Variants in CLVS1 observed in about 807,000 individuals in gnomAD.
The protein encoded by CLVS1 is clavesin-1.
A neutral mutation model predicts 33.1 loss-of-function variants in CLVS1; 10 were observed. The ratio of observed to expected loss-of-function variants is 0.30; its 90% CI spans 0.19 to 0.51. The LOEUF is 0.51. Among genes scored for constraint, CLVS1 ranks in the 20% least tolerant of loss-of-function variants. The pLI, the probability that CLVS1 is intolerant of heterozygous loss-of-function variation, is 0.97. For missense variants in CLVS1, 343 were observed against 433.4 expected (o/e 0.79, Z 1.85); for synonymous variants, 163 against 166.1 (o/e 0.98, Z 0.14).
chr8:61,231,043 A>G (rs763028914), intron 2 of CLVS1, among the ~76,000 whole-genome samples: 1 of 152,076 alleles, frequency 6.6e-6, no homozygotes, highest in Non-Finnish European at 1.5e-5. Flanking sequence ...TTAGGTTTCA[A>G]CATGTGTATC....
At chr8:61,238,824 T>G (rs1203882438) in intron 2 of CLVS1, among the ~76,000 whole-genome samples, 1 of 152,246 alleles carries the variant, frequency 6.6e-6, no homozygotes, top group Non-Finnish European at 1.5e-5. Context: ...AGTTTCTAAT[T>G]TTTCACTCTA....
Position 61,501,038 on chromosome 8 carries a change from A to C in CLVS1, c.*1496A>C, listed in dbSNP as rs1019357628. 3 of 152,212 alleles carry C rather than the reference A, an allele frequency of 2.0e-5. No homozygotes were observed. The highest frequency in any genetic ancestry group is 6.5e-5 in the Admixed American group (1 of 15,286). The allele number at this position is 152,212 out of a possible 1,614,324, so 9.4% of individuals were successfully genotyped here. On this transcript the variant is annotated 3_prime_UTR_variant, in exon 6 of 6. Transcript: ENST00000325897. ...ATTTTTATATTATACACTTGGAGAA[A>C]TAAAGTTGAAACAGAATTAAAAATA...
chr8:61,218,395 C>G (rs1364977053), intron 2 of CLVS1, among the ~76,000 whole-genome samples: 1 of 151,878 alleles, frequency 6.6e-6, no homozygotes, highest in Non-Finnish European at 1.5e-5. Flanking sequence ...TGAAATAAGC[C>G]AGGAAGAGAA....
chr8:61,295,801 T>A (rs1420003338), intron 1 of CLVS1, among the ~76,000 whole-genome samples: 16 of 152,114 alleles, frequency 1.1e-4, no homozygotes, highest in African/African-American at 3.9e-4. Flanking sequence ...GTTTCCTCAT[T>A]TGAAAAATGA....
chr8:61,260,669 A>G (rs1809184841), intron 2 of CLVS1, among the ~76,000 whole-genome samples: 2 of 152,152 alleles, frequency 1.3e-5, no homozygotes, highest in African/African-American at 4.8e-5. Flanking sequence ...GGAGATAAAG[A>G]AAAGTGGTCC....
chr8:61,490,377 AG>A (rs1804029789), intron 5 of CLVS1, among the ~76,000 whole-genome samples: 1 of 151,904 alleles, frequency 6.6e-6, no homozygotes, highest in Non-Finnish European at 1.5e-5. Context: ...CATTTATAAA[AG>A]GTAAATTGGG....
At chr8:61,033,047 A>AAGAGAGAG in the CLVS1 span, among the ~76,000 whole-genome samples, 1 of 77,938 alleles carries the variant, frequency 1.3e-5, no homozygotes, top group African/African-American at 4.7e-5. Context: ...GAAAGAAAGA[A>AAGAGAGAG]AAAGAAAGAA....
At chr8:61,468,170 C>T (rs769774501) in intron 5 of CLVS1, among the ~76,000 whole-genome samples, 1 of 152,130 alleles carries the variant, frequency 6.6e-6, no homozygotes, top group Non-Finnish European at 1.5e-5. Flanking sequence ...CTCATTACTG[C>T]TTATGTGAAA....
At chr8:61,247,075 T>A (rs953987875) in intron 2 of CLVS1, among the ~76,000 whole-genome samples, 1 of 152,226 alleles carries the variant, frequency 6.6e-6, no homozygotes, top group Non-Finnish European at 1.5e-5. Flanking sequence ...TTTGTGTTCC[T>A]GCCTTAGTGT....
At chr8:61,096,616 A>C (rs1172816364) in intron 1 of CLVS1, among the ~76,000 whole-genome samples, 2 of 152,170 alleles carry the variant, frequency 1.3e-5, no homozygotes, top group African/African-American at 2.4e-5. Flanking sequence ...AGTAATGCAA[A>C]CACTTCAGAC....
chr8:61,272,089 C>T (rs200996238), intron 2 of CLVS1, among the ~76,000 whole-genome samples: 2 of 151,118 alleles, frequency 1.3e-5, no homozygotes, highest in African/African-American at 2.4e-5. Context: ...TTCCTAGTCT[C>T]GATGGTCTTT....
chr8:61,162,491 G>A (rs1242780592), intron 2 of CLVS1, among the ~76,000 whole-genome samples: 4 of 152,216 alleles, frequency 2.6e-5, no homozygotes, highest in Non-Finnish European at 5.9e-5. Context: ...AAAATGGGAA[G>A]AATTTCTTAC....
intron 2 of CLVS1, among the ~76,000 whole-genome samples, chr8:61,363,674 A>G (rs551775885): frequency 4.3e-4 from 66 of 152,308 alleles, no homozygotes; most frequent in Non-Finnish European, 5.6e-4. Context: ...TGCTAAATGA[A>G]CTATGTTGAC....
rs140516067 is a variant in CLVS1 at position 61,452,989 on chromosome 8, C to T, written c.631-1152C>T. Among the ~76,000 whole-genome samples the T allele has an allele frequency of 2.0e-3, 307 of 152,196 alleles. 2 individuals are homozygous for T. The highest frequency in any genetic ancestry group is 6.3e-3 in the African/African-American group (263 of 41,522). On this transcript the variant is annotated intron_variant, in intron 3 of 5. Coordinates refer to ENST00000325897, the MANE Select transcript of CLVS1 (RefSeq NM_173519.3). Reference sequence around the variant, plus strand: ...TTTTTTCCTTGTTACTAAAAACGACCCGGGTGAGGCATCTCATATACCCGC... The same window carrying T: ...TTTTTTCCTTGTTACTAAAAACGACTCGGGTGAGGCATCTCATATACCCGC...
chr8:61,177,583 G>C (rs939910755), intron 2 of CLVS1, among the ~76,000 whole-genome samples: 3 of 152,082 alleles, frequency 2.0e-5, no homozygotes, highest in African/African-American at 7.2e-5. Context: ...TTTCCTACTG[G>C]CATCAAGTTG....
chr8:61,414,341 T>G (rs1815345287), intron 3 of CLVS1, among the ~76,000 whole-genome samples: 1 of 151,898 alleles, frequency 6.6e-6, no homozygotes, highest in Non-Finnish European at 1.5e-5. Flanking sequence ...CAACAATAAA[T>G]AGGTTATTAA....
chr8:61,452,052 AGATCAATGAAAGCCCAT>A (rs1254936992), intron 3 of CLVS1, among the ~76,000 whole-genome samples: 1 of 152,244 alleles, frequency 6.6e-6, no homozygotes, highest in Non-Finnish European at 1.5e-5. Flanking sequence ...GACTTGAGTC[AGATCAATGAAAGCCCAT>A]GCCTTCAATC....
intron 2 of CLVS1, among the ~76,000 whole-genome samples, chr8:61,143,205 A>T (rs1478699173): frequency 3.9e-5 from 6 of 152,224 alleles, no homozygotes; most frequent in African/African-American, 1.4e-4. Flanking sequence ...ATATACTTTT[A>T]AAAATACACT....
At chr8:61,192,825 A>G (rs13279010) in intron 2 of CLVS1, among the ~76,000 whole-genome samples, 78,490 of 151,968 alleles carry the variant, frequency 0.52, 21,000 homozygotes, top group Middle Eastern at 0.69. Flanking sequence ...ATGAGATACC[A>G]TGTCACACCA....
Sources: gnomAD v4.1 joint callset for allele counts (sites outside exome capture counted in the v4.1 genomes callset) on GRCh38, gnomAD v4.1.1 for gene constraint, MANE v1.5 for transcripts, NCBI Gene and HGNC (gene_info 2026-07-23, HGNC 2026-07-21) for gene names.